IL1RN: variants seen among roughly 807,000 people sequenced by gnomAD.
IL1RN encodes interleukin-1 receptor antagonist protein.
A neutral mutation model predicts 13.7 loss-of-function variants in IL1RN; 10 were observed. The observed-to-expected ratio is 0.73, with a 90% CI of 0.45 to 1.24. IL1RN has a LOEUF of 1.24. Among genes scored for constraint, IL1RN ranks in the 50% most tolerant of loss-of-function variants. The pLI, the probability that IL1RN is intolerant of heterozygous loss-of-function variation, is 0.00. For synonymous variants in IL1RN, 102 were observed against 82.7 expected (o/e 1.23, Z -1.27); for missense variants, 213 against 222.1 (o/e 0.96, Z 0.26).
chr2:113,110,185 G>T (rs375637006), upstream of IL1RN, among the ~76,000 whole-genome samples: 1 of 152,162 alleles, frequency 6.6e-6, no homozygotes, highest in Non-Finnish European at 1.5e-5. Context: ...ACATGCACAC[G>T]TACACAGGCA....
chr2:113,123,603 A>G (rs541944942), upstream of IL1RN, among the ~76,000 whole-genome samples: 1 of 152,324 alleles, frequency 6.6e-6, no homozygotes, highest in African/African-American at 2.4e-5. Context: ...CTCAGGGTAC[A>G]GATAACAATC....
the IL1RN span, among the ~76,000 whole-genome samples, chr2:113,100,429 G>A: frequency 6.6e-6 from 1 of 152,162 alleles, no homozygotes; most frequent in African/African-American, 2.4e-5. Context: ...AGTCACAAGA[G>A]AAGCAGCAAA....
At position 113,132,822 on chromosome 2, in the gene IL1RN, C is replaced by T. The variant is rs146899714; in HGVS notation, c.485C>T (p.Pro162Leu). The change falls in exon 4 of 4, where the codon CCT (proline) becomes CTT (leucine). Residue 162 changes from proline to leucine, a missense_variant. Coordinates refer to ENST00000409930, the MANE Select transcript of IL1RN (RefSeq NM_173842.3). ...CAGCCCGTCAGCCTCACCAATATGCCTGACGAAGGCGTCATGGTCACCAAA... is the reference window on the plus strand; with the variant it reads ...CAGCCCGTCAGCCTCACCAATATGCTTGACGAAGGCGTCATGGTCACCAAA... Reference protein sequence around the residue: ...ADQPVSLTNMPDEGVMVTKFY... With the variant: ...ADQPVSLTNMLDEGVMVTKFY... 19 of 1,614,142 alleles carry T rather than the reference C, an allele frequency of 1.2e-5. No homozygotes were observed. The African/African-American group carries it at 2.4e-4, about 20-fold the overall frequency.
chr2:113,121,403 C>T (rs1401318458), intron 2 of IL1RN: 1 of 952,104 alleles, frequency 1.1e-6, no homozygotes, highest in Admixed American at 6.2e-5. Context: ...ACAGTTGTCC[C>T]CTTCCCCATG....
upstream of IL1RN, among the ~76,000 whole-genome samples, chr2:113,108,252 T>G (rs1388727520): frequency 6.7e-5 from 10 of 150,170 alleles, no homozygotes; most frequent in South Asian, 2.1e-4. Flanking sequence ...TTGGGGGGGG[T>G]TATAAATTTT....
At chr2:113,128,161 C>T (rs998539496) in intron 1 of IL1RN, among the ~76,000 whole-genome samples, 1 of 152,212 alleles carries the variant, frequency 6.6e-6, no homozygotes, top group Non-Finnish European at 1.5e-5. Context: ...TTGGTTTCCC[C>T]GTCTGTGACA....
chr2:113,130,065 GAC>G (rs947025359), intron 2 of IL1RN: 46 of 245,858 alleles, frequency 1.9e-4, no homozygotes, highest in Non-Finnish European at 3.4e-4. Flanking sequence ...CTTATTCCTG[GAC>G]ACCATACTCA....
rs4252009 is a variant in IL1RN at position 113,128,378 on chromosome 2, C to T, written c.116+638C>T. On this transcript the variant is annotated intron_variant, in intron 1 of 3. Coordinates refer to ENST00000409930, the MANE Select transcript of IL1RN (RefSeq NM_173842.3). ...AAATGACAGGACTGCTTGTGCATGC[C>T]CTCTGCAGTGTGACATTCCAGCAGT... Among the ~76,000 whole-genome samples, 80 of 152,222 alleles carry T rather than the reference C, an allele frequency of 5.3e-4. 1 individual carries two copies. The highest frequency in any genetic ancestry group is 1.8e-3 in the African/African-American group (76 of 41,534).
chr2:113,133,152 C>T lies in IL1RN; in HGVS notation c.*281C>T. ...TCGCCTCTGCATTCAGGATCAAACC[C>T]CGACCACCTGCCCAACCTGCTCTCC... On this transcript the variant is annotated 3_prime_UTR_variant, in exon 4 of 4. Transcript: ENST00000409930. The T allele has an allele frequency of 2.0e-6, 1 of 501,232 alleles. No individual in the cohort carries two copies. 31.0% of individuals were successfully genotyped at this position (501,232 alleles called of 1,614,324 possible). A position where few individuals can be genotyped will look rare whatever the true frequency, so the allele number is the denominator to read the frequency against.
chr2:113,113,502 T>C (rs988929491), upstream of IL1RN, among the ~76,000 whole-genome samples: 1 of 152,170 alleles, frequency 6.6e-6, no homozygotes, highest in Non-Finnish European at 1.5e-5. Flanking sequence ...ACTATTAATA[T>C]ATCACATAGT....
At chr2:113,121,138 A>T (rs377086) in intron 2 of IL1RN, among the ~76,000 whole-genome samples, 3 of 107,216 alleles carry the variant, frequency 2.8e-5, no homozygotes, top group African/African-American at 9.2e-5. Flanking sequence ...ATTCTTCTTC[A>T]TCGTCTTCGT....
intron 1 of IL1RN, among the ~76,000 whole-genome samples, chr2:113,119,232 C>T (rs949928410): frequency 6.6e-6 from 1 of 152,202 alleles, no homozygotes; most frequent in East Asian, 1.9e-4. Flanking sequence ...GGACACGTTA[C>T]AAGCTAGGCG....
In IL1RN at chr2:113,129,741, C is replaced by A. The variant is rs1218273765; in HGVS notation, c.205+77C>A. On this transcript the variant is annotated intron_variant, in intron 2 of 3. Coordinates refer to ENST00000409930, the MANE Select transcript of IL1RN (RefSeq NM_173842.3). The stretch of plus-strand genomic sequence containing the variant: ...CGTCTGTCTGCAGCAGCATGGCCTG[C>A]CTGCACAAACCCTAGGTGCAATGTC... 4.4e-6 allele frequency: 4 copies of A among 915,128 alleles called. No homozygotes were observed. The African/African-American group carries it at 6.5e-5, about 15-fold the overall frequency. The allele number at this position is 915,128 out of a possible 1,614,324, so 56.7% of individuals were successfully genotyped here. A position where few individuals can be genotyped will look rare whatever the true frequency, so the allele number is the denominator to read the frequency against.
chr2:113,115,996 G>A (rs544720727), upstream of IL1RN, among the ~76,000 whole-genome samples: 2 of 152,264 alleles, frequency 1.3e-5, no homozygotes, highest in South Asian at 4.1e-4. Flanking sequence ...TGATAGTAAT[G>A]GCTAATACTT....
the IL1RN span, among the ~76,000 whole-genome samples, chr2:113,100,434 A>G: frequency 6.6e-6 from 1 of 152,214 alleles, no homozygotes; most frequent in South Asian, 2.1e-4. Flanking sequence ...CAAGAGAAGC[A>G]GCAAATGACA....
At chr2:113,117,131 G>A (rs1209656748), upstream of IL1RN, among the ~76,000 whole-genome samples, 2 of 152,252 alleles carry the variant, frequency 1.3e-5, no homozygotes, top group African/African-American at 4.8e-5. Flanking sequence ...CGGCAAAAAG[G>A]AGGAGGGGTG....
upstream of IL1RN, among the ~76,000 whole-genome samples, chr2:113,114,437 G>A (rs1267865594): frequency 6.6e-6 from 1 of 152,170 alleles, no homozygotes; most frequent in Non-Finnish European, 1.5e-5. Context: ...CCATGGCCTG[G>A]GGACAAGGTC....
rs894109553 is a variant in IL1RN, at chr2:113,133,666, T to C, written c.*795T>C. On this transcript the variant is annotated 3_prime_UTR_variant, in exon 4 of 4. Coordinates refer to ENST00000409930, the MANE Select transcript of IL1RN (RefSeq NM_173842.3). ...GATTTTTTACAGCTGCCTGCAGTAC[T>C]TTACCTCCTATCAGAAGTTTCTCAG... The C allele has an allele frequency of 6.5e-6, 1 of 152,750 alleles. No homozygotes were observed. The highest frequency in any genetic ancestry group is 1.5e-5 in the Non-Finnish European group (1 of 68,142). The allele number at this position is 152,750 out of a possible 1,614,324, so 9.5% of individuals were successfully genotyped here.
chr2:113,106,149 T>G (rs955002749), upstream of IL1RN, among the ~76,000 whole-genome samples: 9 of 152,250 alleles, frequency 5.9e-5, no homozygotes, highest in African/African-American at 2.2e-4. Context: ...ACAATTTCCT[T>G]TGCTCACTTC....
Sources: gnomAD v4.1 joint callset for allele counts (sites outside exome capture counted in the v4.1 genomes callset) on GRCh38, gnomAD v4.1.1 for gene constraint, MANE v1.5 for transcripts, NCBI Gene and HGNC (gene_info 2026-07-23, HGNC 2026-07-21) for gene names.